The following ICA1 variants were observed in gnomAD, a reference collection of about 807,000 sequenced individuals.
ICA1 encodes the protein 69 kDa islet cell autoantigen.
A neutral mutation model predicts 71.0 loss-of-function variants in ICA1; 40 were observed. The ratio of observed to expected loss-of-function variants is 0.56; its 90% confidence interval spans 0.44 to 0.73. The LOEUF (loss-of-function observed/expected upper bound fraction) is 0.73, where lower values mean the gene tolerates loss of function less well. Among genes scored for constraint, ICA1 ranks in the 30% least tolerant of loss-of-function variants. The pLI, the probability that ICA1 is intolerant of heterozygous loss-of-function variation, is 0.00. For missense variants in ICA1, 578 were observed against 576.5 expected, an observed-to-expected ratio of 1.00 and a Z score of -0.03; for synonymous variants, 207 against 209.5, an observed-to-expected ratio of 0.99 and a Z score of 0.10.
At chr7:8,197,022 C>A (rs1396270857) in intron 6 of ICA1, among the ~76,000 whole-genome samples, 1 of 151,998 alleles carries the variant, frequency 6.6e-6, no homozygotes, top group Non-Finnish European at 1.5e-5. Flanking sequence ...AACTTCTTCC[C>A]TTTACAAATT....
rs184705924 is a variant in ICA1 at position 8,203,304 on chromosome 7, G to C, written c.579+15001C>G. ...TCCTGGGAAATCCAGTGGTTTAAGTGACTTTTCCATGTAGGTAAAGCATAT... is the reference window on the plus strand; with the variant it reads ...TCCTGGGAAATCCAGTGGTTTAAGTCACTTTTCCATGTAGGTAAAGCATAT... On this transcript the variant is annotated intron_variant, in intron 6 of 13. Coordinates refer to ENST00000402384, the MANE Select transcript of ICA1 (RefSeq NM_001136020.3). Among the ~76,000 whole-genome samples, 308 of 152,148 alleles carry C rather than the reference G, an allele frequency of 2.0e-3. 1 individual carries two copies. The highest frequency in any genetic ancestry group is 1.6e-3 in the Non-Finnish European group (106 of 68,014).
chr7:8,242,572 G>C (rs1321294439), intron 1 of ICA1, among the ~76,000 whole-genome samples: 1 of 152,078 alleles, frequency 6.6e-6, no homozygotes, highest in Non-Finnish European at 1.5e-5. Context: ...GATCAGAGCA[G>C]AACTGAAGGA....
At chr7:8,217,772 C>T (rs1795853706) in intron 6 of ICA1, among the ~76,000 whole-genome samples, 1 of 152,192 alleles carries the variant, frequency 6.6e-6, no homozygotes, top group South Asian at 2.1e-4. Flanking sequence ...CAGTGCATAT[C>T]CAAATCTTTA....
At position 8,143,964 on chromosome 7, in the gene ICA1, T is replaced by A; in HGVS notation, c.813A>T (p.Gln271His). The change falls in exon 9 of 14, where the codon CAA becomes CAT. Residue 271 changes from glutamine (Q) to histidine (H), a missense_variant. Gln to His is a conservative substitution (Grantham distance 24). Coordinates refer to ENST00000402384, the MANE Select transcript of ICA1 (RefSeq NM_001136020.3). ...PYEFTTLKSL[Q>H]DPMKKLVEKE... Reference sequence around the variant, plus strand: ...TCTCAACTAATTTTTTCATAGGGTCTTGTAAGCTCTTGATCACGAGCCATA... The same window carrying A: ...TCTCAACTAATTTTTTCATAGGGTCATGTAAGCTCTTGATCACGAGCCATA... The A allele has an allele frequency of 6.4e-7, 1 of 1,555,714 alleles. No homozygotes were observed.
chr7:8,165,839 A>G (rs1805734078), intron 6 of ICA1, among the ~76,000 whole-genome samples: 3 of 152,210 alleles, frequency 2.0e-5, no homozygotes, highest in Admixed American at 1.3e-4. Flanking sequence ...TTCTACAGTG[A>G]GAATTACAAA....
chr7:8,159,771 C>T (rs2348895), intron 6 of ICA1, among the ~76,000 whole-genome samples: 24,509 of 152,036 alleles, frequency 0.16, 3,009 homozygotes, highest in African/African-American at 0.36. Flanking sequence ...AAATTACACC[C>T]TCCTTCAATC....
chr7:8,246,662 G>A (rs558168468), intron 1 of ICA1, among the ~76,000 whole-genome samples: 9 of 152,190 alleles, frequency 5.9e-5, no homozygotes, highest in African/African-American at 1.7e-4. Context: ...TTGCTCTGTG[G>A]GAAGAATTGA....
rs148519637 is a variant in ICA1 at position 8,226,020 on chromosome 7, T to C, written c.256+2581A>G. ...CAAAACTACTGAGGTTAGTTCTTTT[T>C]TTTTCTGATTCTGATCACTGTGACA... is the stretch of plus-strand genomic sequence containing the variant. On this transcript the variant is annotated intron_variant, in intron 4 of 13. Transcript: ENST00000402384. This position sits in a 1 kb window ranked among gnomAD's most constrained non-coding sequence, Gnocchi z 4.4. Among the ~76,000 whole-genome samples, 1,394 of 152,304 alleles carry C rather than the reference T, an allele frequency of 9.2e-3. 17 individuals are homozygous for C. The highest frequency in any genetic ancestry group is 0.03 in the African/African-American group (1,259 of 41,564).
chr7:8,225,991 G>C (rs1798477253), intron 4 of ICA1, among the ~76,000 whole-genome samples: 1 of 152,052 alleles, frequency 6.6e-6, no homozygotes, highest in Non-Finnish European at 1.5e-5. Context: ...AAATAATTAT[G>C]TTCCAAAACT....
At chr7:8,149,490 A>C (rs10271880) in intron 8 of ICA1, among the ~76,000 whole-genome samples, 1 of 152,242 alleles carries the variant, frequency 6.6e-6, no homozygotes, top group African/African-American at 2.4e-5. Flanking sequence ...TCGAGCTTGC[A>C]AAAGTGTCTT....
intron 6 of ICA1, among the ~76,000 whole-genome samples, chr7:8,215,707 GTC>G (rs1241355690): frequency 6.6e-6 from 1 of 152,174 alleles, no homozygotes; most frequent in Non-Finnish European, 1.5e-5. Flanking sequence ...TTAGAATTTT[GTC>G]TCCACCAGAA....
chr7:8,220,931 A>C (rs1249632401), intron 5 of ICA1, among the ~76,000 whole-genome samples: 1 of 152,110 alleles, frequency 6.6e-6, no homozygotes, highest in Non-Finnish European at 1.5e-5. Context: ...CTCCTGCTTT[A>C]ATCAGCTGCT....
At chr7:8,178,865 A>G (rs1394645883) in intron 6 of ICA1, among the ~76,000 whole-genome samples, 1 of 152,134 alleles carries the variant, frequency 6.6e-6, no homozygotes, top group East Asian at 1.9e-4. Flanking sequence ...ACAGCATTTC[A>G]GCGTTTTAGC....
chr7:8,254,145 A>G (rs1273777053), intron 1 of ICA1, among the ~76,000 whole-genome samples: 1 of 152,158 alleles, frequency 6.6e-6, no homozygotes, highest in Admixed American at 6.5e-5. Context: ...AATTTGGGGA[A>G]ATTTCCCAAG....
At chr7:8,199,234 C>T (rs751558438) in intron 6 of ICA1, among the ~76,000 whole-genome samples, 6 of 152,088 alleles carry the variant, frequency 3.9e-5, no homozygotes, top group Non-Finnish European at 7.4e-5. Flanking sequence ...GGTATATACC[C>T]AAAAGAAAGG....
chr7:8,232,721 G>C lies in ICA1; in HGVS notation c.52C>G (p.Gln18Glu). Reference protein sequence around the residue: ...YPWDLQDRYAQDKSVVNKMQQ... With the variant: ...YPWDLQDRYAEDKSVVNKMQQ... ...ATCTTATTTACAACTGACTTATCTT[G>C]AGCATATCGATCCTGTAAGTCCCAG... The change falls in exon 3 of 14, where the codon CAA becomes GAA. Residue 18 changes from glutamine to glutamate, a missense_variant. Coordinates refer to ENST00000402384, the MANE Select transcript of ICA1 (RefSeq NM_001136020.3). 2 of 1,608,720 alleles carry C rather than the reference G, an allele frequency of 1.2e-6. No individual in the cohort carries two copies. The highest frequency in any genetic ancestry group is 3.4e-5 in the Admixed American group (2 of 59,222).
chr7:8,150,638 C>G (rs1798478446), intron 8 of ICA1, among the ~76,000 whole-genome samples: 1 of 152,206 alleles, frequency 6.6e-6, no homozygotes, highest in Non-Finnish European at 1.5e-5. Context: ...GTGACCTTCC[C>G]CTTCAATATG....
intron 6 of ICA1, among the ~76,000 whole-genome samples, chr7:8,185,106 G>C (rs1320112927): frequency 6.6e-6 from 1 of 151,468 alleles, no homozygotes; most frequent in Admixed American, 6.6e-5. Flanking sequence ...AAAAGGAAAT[G>C]AGAGATAAAT....
At chr7:8,170,225 C>T (rs997893543) in intron 6 of ICA1, among the ~76,000 whole-genome samples, 1 of 151,944 alleles carries the variant, frequency 6.6e-6, no homozygotes, top group African/African-American at 2.4e-5. Flanking sequence ...ATGCCAATAC[C>T]ACACTGTCTC....
Sources: gnomAD v4.1 joint callset for allele counts (sites outside exome capture counted in the v4.1 genomes callset) on GRCh38, gnomAD v4.1.1 for gene constraint, Gnocchi (gnomAD v3.1) non-coding constraint, MANE v1.5 for transcripts, NCBI Gene and HGNC (gene_info 2026-07-23, HGNC 2026-07-21) for gene names.